The following PLXDC2 variants were observed in gnomAD, a reference collection of about 807,000 sequenced individuals.
PLXDC2 encodes the protein plexin domain-containing protein 2.
In PLXDC2, 40 loss-of-function variants were observed where a neutral mutation model predicts 68.9. That is an observed-to-expected ratio of 0.58 (90% CI 0.45 to 0.76). PLXDC2 has a LOEUF of 0.76. PLXDC2 is among the 30% of genes least tolerant of loss of function. PLXDC2 has a pLI of 0.00. For synonymous variants in PLXDC2, 243 were observed against 234.2 expected (o/e 1.04, Z -0.34); for missense variants, 644 against 661.9 (o/e 0.97, Z 0.30).
intron 1 of PLXDC2, among the ~76,000 whole-genome samples, chr10:19,821,501 A>G (rs1481583065): frequency 1.3e-5 from 2 of 152,128 alleles, no homozygotes; most frequent in African/African-American, 2.4e-5. Flanking sequence ...TCTCTCATGT[A>G]TTCTATTAGA....
intron 1 of PLXDC2, among the ~76,000 whole-genome samples, chr10:19,932,805 T>A (rs532478764): frequency 1.3e-5 from 2 of 152,340 alleles, no homozygotes; most frequent in East Asian, 1.9e-4. Context: ...CCAAACCAAA[T>A]GTTCTTCTGA....
intron 2 of PLXDC2, among the ~76,000 whole-genome samples, chr10:20,008,241 C>A (rs1258453659): frequency 1.3e-5 from 2 of 152,074 alleles, no homozygotes; most frequent in Non-Finnish European, 1.5e-5. Flanking sequence ...AAATAAGTCA[C>A]CAGAAAATAC....
intron 6 of PLXDC2, among the ~76,000 whole-genome samples, chr10:20,158,675 A>G (rs936309819): frequency 2.1e-5 from 3 of 142,946 alleles, no homozygotes; most frequent in Non-Finnish European, 4.7e-5. Context: ...ATAAATAAGT[A>G]AATAAATAAA....
intron 4 of PLXDC2, among the ~76,000 whole-genome samples, chr10:20,119,698 G>A (rs929542383): frequency 6.6e-6 from 1 of 152,046 alleles, no homozygotes; most frequent in Non-Finnish European, 1.5e-5. Flanking sequence ...GAGAGATAAT[G>A]GGCGATGTTT....
At chr10:19,851,676 G>A (rs557074048) in intron 1 of PLXDC2, among the ~76,000 whole-genome samples, 1 of 152,230 alleles carries the variant, frequency 6.6e-6, no homozygotes, top group South Asian at 2.1e-4. Context: ...CTCCCCAGTA[G>A]CTGGAATTAC....
chr10:19,950,750 A>G (rs754428937), intron 1 of PLXDC2, among the ~76,000 whole-genome samples: 1 of 152,162 alleles, frequency 6.6e-6, no homozygotes, highest in Non-Finnish European at 1.5e-5. Flanking sequence ...GACTTCAAAC[A>G]TAGTATACGG....
intron 1 of PLXDC2, among the ~76,000 whole-genome samples, chr10:19,973,270 A>T (rs1834386054): frequency 6.7e-6 from 1 of 148,248 alleles, no homozygotes; most frequent in Non-Finnish European, 1.5e-5. Context: ...ATACTCACAG[A>T]TATATGTATA....
chr10:19,877,990 T>A (rs1294000504), intron 1 of PLXDC2, among the ~76,000 whole-genome samples: 1 of 152,220 alleles, frequency 6.6e-6, no homozygotes, highest in African/African-American at 2.4e-5. Context: ...CCCATAATGA[T>A]CAACCCTGAT....
chr10:20,279,634 A>C (rs575538942), intron 13 of PLXDC2, 69 bp from the exon 14 acceptor site: 1 of 1,178,152 alleles, frequency 8.5e-7, no homozygotes, highest in East Asian at 2.3e-5. Context: ...AATAGCTAGC[A>C]AATAGATTTT....
intron 1 of PLXDC2, among the ~76,000 whole-genome samples, chr10:19,836,852 A>T (rs1242008140): frequency 1.3e-5 from 2 of 152,188 alleles, no homozygotes; most frequent in African/African-American, 4.8e-5. Flanking sequence ...CCTCACTGTA[A>T]TTAATTTTAT....
intron 12 of PLXDC2, among the ~76,000 whole-genome samples, chr10:20,244,007 C>T (rs925773358): frequency 1.3e-5 from 2 of 151,096 alleles, no homozygotes; most frequent in East Asian, 2.0e-4. Context: ...TGCAGTGAGC[C>T]GAGATCACAC....
chr10:20,036,750 C>T (rs1329384903), intron 2 of PLXDC2, among the ~76,000 whole-genome samples: 2 of 152,132 alleles, frequency 1.3e-5, no homozygotes, highest in South Asian at 2.1e-4. Flanking sequence ...GATAGTTGTG[C>T]ACACATACGC....
rs1328392315 is a variant in PLXDC2 at position 20,286,786 on chromosome 10, G to C, written c.*6967G>C. 1.3e-5 allele frequency: 2 copies of C among 152,600 alleles called. No individual in the cohort carries two copies. The highest frequency in any genetic ancestry group is 2.9e-5 in the Non-Finnish European group (2 of 68,374). The allele number at this position is 152,600 out of a possible 1,614,324, so 9.5% of individuals were successfully genotyped here. ...GTTACCCAGGCTGGAGTGCAATGGC[G>C]TGATCTCGTCTCACTGCAACCTCCG... is the stretch of plus-strand genomic sequence containing the variant. On this transcript the variant is annotated 3_prime_UTR_variant, in exon 14 of 14. Transcript: ENST00000377252.
intron 13 of PLXDC2, among the ~76,000 whole-genome samples, chr10:20,265,926 A>C (rs983870781): frequency 2.0e-5 from 3 of 152,166 alleles, no homozygotes; most frequent in African/African-American, 7.2e-5. Flanking sequence ...AACGGGATAT[A>C]CGGTCCCCGG....
rs1837796580 is a variant in PLXDC2, at chr10:19,884,191, C to T, written c.112+67000C>T. ...GAATTACAGGTGTGAACCACTGTGCCCGGCCTAAACTTTTCAAAAGTATTG... is the reference window on the plus strand; with the variant it reads ...GAATTACAGGTGTGAACCACTGTGCTCGGCCTAAACTTTTCAAAAGTATTG... On this transcript the variant is annotated intron_variant, in intron 1 of 13. Coordinates refer to ENST00000377252, the MANE Select transcript of PLXDC2 (RefSeq NM_032812.9). Among the ~76,000 whole-genome samples, 4 of 151,824 alleles carry T rather than the reference C, an allele frequency of 2.6e-5. No homozygotes were observed. The South Asian group carries it at 8.4e-4, about 32-fold the overall frequency.
intron 1 of PLXDC2, among the ~76,000 whole-genome samples, chr10:19,946,746 G>A (rs755719029): frequency 4.6e-5 from 7 of 152,088 alleles, no homozygotes; most frequent in South Asian, 2.1e-4. Context: ...GACAGAGGCA[G>A]ATCATCAGGC....
At chr10:19,937,542 A>ATG (rs1447643680) in intron 1 of PLXDC2, among the ~76,000 whole-genome samples, 35 of 85,686 alleles carry the variant, frequency 4.1e-4, no homozygotes, top group Middle Eastern at 5.7e-3. Flanking sequence ...ATTATAGTCA[A>ATG]TGTATATATA....
chr10:20,195,249 G>A (rs1834822040), intron 9 of PLXDC2, among the ~76,000 whole-genome samples: 1 of 152,096 alleles, frequency 6.6e-6, no homozygotes, highest in African/African-American at 2.4e-5. Flanking sequence ...CAGCCACTGA[G>A]AGACTGCAAA....
chr10:20,221,058 G>A (rs1375808935), intron 12 of PLXDC2, among the ~76,000 whole-genome samples: 2 of 151,954 alleles, frequency 1.3e-5, no homozygotes, highest in African/African-American at 4.8e-5. Flanking sequence ...GGCCAGGCTG[G>A]TCTTGAACTC....
Sources: gnomAD v4.1 joint callset for allele counts (sites outside exome capture counted in the v4.1 genomes callset) on GRCh38, gnomAD v4.1.1 for gene constraint, MANE v1.5 for transcripts, NCBI Gene and HGNC (gene_info 2026-07-23, HGNC 2026-07-21) for gene names.